SLC24A2: variants seen among roughly 807,000 people sequenced by gnomAD.
SLC24A2 encodes solute carrier family 24 member 2.
A neutral mutation model predicts 62.0 loss-of-function variants in SLC24A2; 36 were observed. That is an observed-to-expected ratio of 0.58 (90% confidence interval 0.44 to 0.77). SLC24A2 has a LOEUF of 0.77. SLC24A2 is among the 30% of genes least tolerant of loss of function. The pLI is 0.00. For synonymous variants in SLC24A2, 358 were observed against 294.0 expected, an observed-to-expected ratio of 1.22 and a Z score of -2.23; for missense variants, 846 against 817.9, an observed-to-expected ratio of 1.03 and a Z score of -0.42.
At chr9:20,275,317 C>T in the SLC24A2 span, among the ~76,000 whole-genome samples, 1 of 152,150 alleles carries the variant, frequency 6.6e-6, no homozygotes. Context: ...AATGCCAGAG[C>T]ACTTGCAAGA....
intron 4 of SLC24A2, among the ~76,000 whole-genome samples, chr9:19,612,036 C>T (rs1299280477): frequency 6.6e-6 from 1 of 152,088 alleles, no homozygotes; most frequent in Non-Finnish European, 1.5e-5. Flanking sequence ...GTAAGAAAAC[C>T]ACTTGGGGTC....
the SLC24A2 span, among the ~76,000 whole-genome samples, chr9:20,006,109 T>C: frequency 6.6e-6 from 1 of 151,684 alleles, no homozygotes; most frequent in South Asian, 2.1e-4. Context: ...GAATACAATA[T>C]ATACACATAG....
At chr9:20,160,871 A>C in the SLC24A2 span, among the ~76,000 whole-genome samples, 1 of 151,116 alleles carries the variant, frequency 6.6e-6, no homozygotes, top group Non-Finnish European at 1.5e-5. Flanking sequence ...AAAAGCCAAA[A>C]GAAAACACAA....
the SLC24A2 span, among the ~76,000 whole-genome samples, chr9:19,934,195 G>T: frequency 6.6e-6 from 1 of 152,074 alleles, no homozygotes; most frequent in African/African-American, 2.4e-5. The surrounding 1 kb of genome is among the most constrained non-coding windows in gnomAD (Gnocchi z 4.1). Flanking sequence ...CTTTTATGAC[G>T]CCTACAGCCT....
In SLC24A2 at chr9:19,516,012, T is replaced by A; in HGVS notation, c.*141A>T. The A allele has an allele frequency of 9.7e-7, 1 of 1,027,616 alleles. No homozygotes were observed. The highest frequency in any genetic ancestry group is 2.4e-5 in the East Asian group (1 of 41,856). 63.7% of individuals were successfully genotyped at this position (1,027,616 alleles called of 1,614,324 possible). A position where few individuals can be genotyped will look rare whatever the true frequency, so the allele number is the denominator to read the frequency against. On this transcript the variant is annotated 3_prime_UTR_variant, in exon 11 of 11. Coordinates refer to ENST00000341998, the MANE Select transcript of SLC24A2 (RefSeq NM_020344.4). Reference sequence around the variant, plus strand: ...AGTGAATGGGCCCAGTGTGAATCCATCTCTCCTCAAATTCACCAAGGAGGG... The same window carrying A: ...AGTGAATGGGCCCAGTGTGAATCCAACTCTCCTCAAATTCACCAAGGAGGG...
intron 9 of SLC24A2, among the ~76,000 whole-genome samples, chr9:19,522,215 G>A (rs1391033407): frequency 3.3e-5 from 5 of 152,044 alleles, no homozygotes; most frequent in Non-Finnish European, 5.9e-5. Context: ...GCCCAGGCTG[G>A]TCTTGAACTC....
intron 2 of SLC24A2, among the ~76,000 whole-genome samples, chr9:19,692,659 T>G (rs1820077185): frequency 6.6e-6 from 1 of 152,152 alleles, no homozygotes; most frequent in South Asian, 2.1e-4. Context: ...CCTGCTTTAT[T>G]TTTCTTCCTA....
the SLC24A2 span, among the ~76,000 whole-genome samples, chr9:20,110,506 G>T: frequency 1.3e-5 from 2 of 151,400 alleles, no homozygotes; most frequent in South Asian, 4.2e-4. Flanking sequence ...AACAATCAAA[G>T]GCTGACTCTG....
chr9:19,604,403 C>A (rs758247891), intron 4 of SLC24A2, among the ~76,000 whole-genome samples: 11 of 152,294 alleles, frequency 7.2e-5, no homozygotes, highest in African/African-American at 2.4e-5. Context: ...ATGGAAACTA[C>A]CAGTGCACAG....
the SLC24A2 span, among the ~76,000 whole-genome samples, chr9:19,921,451 G>C: frequency 2.7e-5 from 4 of 149,690 alleles, no homozygotes; most frequent in Admixed American, 1.3e-4. Flanking sequence ...GGGAGGTGGA[G>C]CTTGCAGTGA....
chr9:20,014,495 G>GATATATAT, the SLC24A2 span, among the ~76,000 whole-genome samples: 689 of 140,692 alleles, frequency 4.9e-3, 5 homozygotes, highest in South Asian at 0.016. Context: ...AGAAAAATGT[G>GATATATAT]ATATATATAT....
chr9:19,794,846 C>A, the SLC24A2 span, among the ~76,000 whole-genome samples: 1 of 151,854 alleles, frequency 6.6e-6, no homozygotes, highest in Non-Finnish European at 1.5e-5. Flanking sequence ...ACTCGGAAAG[C>A]AAGCAAGGAG....
intron 7 of SLC24A2, among the ~76,000 whole-genome samples, chr9:19,552,431 C>T (rs955546994): frequency 3.9e-5 from 6 of 152,216 alleles, no homozygotes; most frequent in African/African-American, 1.4e-4. Context: ...TTTCCCCTTA[C>T]CTCCTGGCAG....
the SLC24A2 span, among the ~76,000 whole-genome samples, chr9:20,098,023 G>T: frequency 1.7e-5 from 2 of 116,856 alleles, no homozygotes; most frequent in African/African-American, 7.3e-5. Flanking sequence ...ATTACAGGCG[G>T]AGCCACCGCG....
the SLC24A2 span, among the ~76,000 whole-genome samples, chr9:20,017,083 C>T: frequency 6.6e-6 from 1 of 152,138 alleles, no homozygotes; most frequent in Non-Finnish European, 1.5e-5. Context: ...AGTGCAGTGG[C>T]ATGATCTTGG....
chr9:19,762,499 A>C (rs1189495867), intron 2 of SLC24A2, among the ~76,000 whole-genome samples: 1 of 152,174 alleles, frequency 6.6e-6, no homozygotes, highest in East Asian at 1.9e-4. Context: ...AGTGTAAGGA[A>C]GGAGTCCAGT....
intron 5 of SLC24A2, among the ~76,000 whole-genome samples, chr9:19,581,522 T>C (rs1836209779): frequency 6.6e-6 from 1 of 152,186 alleles, no homozygotes; most frequent in Non-Finnish European, 1.5e-5. Flanking sequence ...GAAGGTCCAA[T>C]GGGTTAATAC....
intron 2 of SLC24A2, among the ~76,000 whole-genome samples, chr9:19,740,887 G>A (rs1324992351): frequency 1.3e-5 from 2 of 150,096 alleles, no homozygotes; most frequent in African/African-American, 4.9e-5. Flanking sequence ...AAAAAAAAGA[G>A]AGAGAGAAAA....
intron 7 of SLC24A2, among the ~76,000 whole-genome samples, chr9:19,568,612 G>C (rs1835746727): frequency 1.3e-5 from 2 of 152,216 alleles, no homozygotes; most frequent in Admixed American, 6.5e-5. Context: ...ATGGATAACA[G>C]GTTAAGTCAC....
Sources: allele counts gnomAD v4.1 joint callset (sites outside exome capture counted in the v4.1 genomes callset), GRCh38; gene constraint gnomAD v4.1.1; non-coding constraint Gnocchi (gnomAD v3.1); transcripts MANE v1.5; gene names NCBI Gene and HGNC (gene_info 2026-07-23, HGNC 2026-07-21).